SLAMF1: variants seen among roughly 807,000 people sequenced by gnomAD.
SLAMF1 encodes the protein signaling lymphocytic activation molecule.
In SLAMF1, 18 loss-of-function variants were observed where a neutral mutation model predicts 35.1. The observed-to-expected ratio is 0.51, with a 90% CI of 0.35 to 0.76. SLAMF1 has a LOEUF of 0.76. Among genes scored for constraint, SLAMF1 ranks in the 30% least tolerant of loss-of-function variants. The pLI is 0.01. For missense variants in SLAMF1, 392 were observed against 413.0 expected, an observed-to-expected ratio of 0.95 and a Z score of 0.44; for synonymous variants, 168 against 157.2, an observed-to-expected ratio of 1.07 and a Z score of -0.51.
chr1:160,611,122 C>T (rs1658959945), intron 6 of SLAMF1, among the ~76,000 whole-genome samples: 1 of 152,196 alleles, frequency 6.6e-6, no homozygotes, highest in Admixed American at 6.5e-5. Context: ...TTTGCTGTTA[C>T]ATATGGGTCA....
chr1:160,637,310 TA>T lies in SLAMF1; in HGVS notation c.295del (p.Tyr99IlefsTer22). On this transcript the variant is annotated frameshift_variant, in exon 2 of 7. Transcript: ENST00000302035. LOFTEE classifies it high-confidence loss of function. The stretch of plus-strand genomic sequence containing the variant: ...TATCCCCAGGGTGAGATTCTCCAGA[TA>T]AAACTTGTAGCGATCTCCTAGATAA... ...PRYLGDRYKF[Y>X]LENLTLGIRE... 1 of 1,613,996 alleles carries T rather than the reference TA, an allele frequency of 6.2e-7. No homozygotes were observed. Among genetic ancestry groups the T allele is most frequent in the Non-Finnish European group, 8.5e-7 (1 of 1,179,866 alleles).
rs1658872342 is a variant in SLAMF1, at chr1:160,609,593, A to G, written c.*1155T>C. 1 of 152,258 alleles carries G rather than the reference A, an allele frequency of 6.6e-6. No individual in the cohort carries two copies. The highest frequency in any genetic ancestry group is 2.4e-5 in the African/African-American group (1 of 41,472). The allele number at this position is 152,258 out of a possible 1,614,324, so 9.4% of individuals were successfully genotyped here. A position where few individuals can be genotyped will look rare whatever the true frequency, so the allele number is the denominator to read the frequency against. ...AACAATAAGAAAAAGCAGGGCTTAAATTGAGGACAGCCTGTCTAAAAGCAG... is the reference window on the plus strand; with the variant it reads ...AACAATAAGAAAAAGCAGGGCTTAAGTTGAGGACAGCCTGTCTAAAAGCAG... On this transcript the variant is annotated 3_prime_UTR_variant, in exon 7 of 7. Coordinates refer to ENST00000302035, the MANE Select transcript of SLAMF1 (RefSeq NM_003037.5).
intron 3 of SLAMF1, among the ~76,000 whole-genome samples, chr1:160,628,812 C>T (rs1431681955): frequency 6.6e-6 from 1 of 152,222 alleles, no homozygotes; most frequent in Non-Finnish European, 1.5e-5. Flanking sequence ...AGAAGTGACC[C>T]ACTTGGCTTA....
chr1:160,626,532 T>C (rs1236967195), intron 3 of SLAMF1, among the ~76,000 whole-genome samples: 1 of 152,182 alleles, frequency 6.6e-6, no homozygotes, highest in African/African-American at 2.4e-5. Flanking sequence ...ATATGAATCA[T>C]AGACCTTTTT....
chr1:160,621,723 G>A (rs546416865), intron 4 of SLAMF1, among the ~76,000 whole-genome samples: 1 of 152,212 alleles, frequency 6.6e-6, no homozygotes, highest in Admixed American at 6.5e-5. Context: ...GGCAGACACT[G>A]ATGAAGTTCC....
chr1:160,619,305 T>C (rs185698930), intron 5 of SLAMF1, among the ~76,000 whole-genome samples: 2 of 152,292 alleles, frequency 1.3e-5, no homozygotes, highest in Admixed American at 1.3e-4. Flanking sequence ...TTCCATCTCA[T>C]CTTTCATCTC....
At chr1:160,646,384 C>A in intron 1 of SLAMF1, among the ~76,000 whole-genome samples, 1 of 152,232 alleles carries the variant, frequency 6.6e-6, no homozygotes, top group East Asian at 1.9e-4. Flanking sequence ...TCTACTCTCT[C>A]TTCCCACTCT....
intron 4 of SLAMF1, 75 bp from the exon 5 acceptor site, chr1:160,619,924 C>T (rs1473895132): frequency 1.0e-6 from 1 of 975,942 alleles, no homozygotes; most frequent in South Asian, 1.3e-5. Flanking sequence ...CTGGTCTTTA[C>T]TGTCCTTTGC....
intron 5 of SLAMF1, chr1:160,615,865 A>G: frequency 5.4e-6 from 1 of 184,582 alleles, no homozygotes; most frequent in South Asian, 9.3e-5. Context: ...AACAAATGCC[A>G]CGGAGAGCCT....
At chr1:160,633,002 A>G (rs1466090665) in intron 3 of SLAMF1, among the ~76,000 whole-genome samples, 1 of 152,176 alleles carries the variant, frequency 6.6e-6, no homozygotes, top group Non-Finnish European at 1.5e-5. Context: ...GATGCCACAT[A>G]ACTGGCACAT....
intron 6 of SLAMF1, 79 bp downstream of exon 6, chr1:160,612,409 T>TAA: frequency 1.0e-6 from 1 of 956,916 alleles, no homozygotes; most frequent in Non-Finnish European, 1.6e-6. Context: ...TCTTCCCACC[T>TAA]TAAAAAAAAA....
intron 5 of SLAMF1, among the ~76,000 whole-genome samples, chr1:160,614,233 A>G (rs1416658247): frequency 2.0e-5 from 3 of 152,210 alleles, no homozygotes; most frequent in African/African-American, 7.2e-5. Flanking sequence ...TGAGTTTAAG[A>G]AAGAATTTCT....
chr1:160,621,167 T>A (rs1176006519), intron 4 of SLAMF1, among the ~76,000 whole-genome samples: 2 of 152,156 alleles, frequency 1.3e-5, no homozygotes, highest in Admixed American at 1.3e-4. Context: ...GGAGGTTTAT[T>A]ATGGGATTAT....
At chr1:160,630,227 G>A (rs1292260853) in intron 3 of SLAMF1, among the ~76,000 whole-genome samples, 2 of 152,182 alleles carry the variant, frequency 1.3e-5, no homozygotes, top group Non-Finnish European at 2.9e-5. Context: ...CCTAGCCAGA[G>A]TACTTCATAG....
At chr1:160,643,770 G>A (rs1660883813) in intron 1 of SLAMF1, among the ~76,000 whole-genome samples, 3 of 152,108 alleles carry the variant, frequency 2.0e-5, no homozygotes, top group African/African-American at 7.2e-5. Context: ...AAGAACATTT[G>A]AATTATTCTC....
chr1:160,618,750 A>G (rs1051702706), intron 5 of SLAMF1, among the ~76,000 whole-genome samples: 1 of 152,168 alleles, frequency 6.6e-6, no homozygotes, highest in African/African-American at 2.4e-5. Context: ...GCTTCACAGT[A>G]AAAAAGAGGG....
intron 5 of SLAMF1, among the ~76,000 whole-genome samples, chr1:160,619,517 G>A (rs1043096665): frequency 6.6e-6 from 1 of 152,202 alleles, no homozygotes; most frequent in Admixed American, 6.5e-5. Context: ...GCCAGAGCTG[G>A]AAAGAGTCAT....
chr1:160,627,569 C>T (rs1397709149), intron 3 of SLAMF1, among the ~76,000 whole-genome samples: 1 of 152,180 alleles, frequency 6.6e-6, no homozygotes, highest in Non-Finnish European at 1.5e-5. Flanking sequence ...ATACTTGGTG[C>T]TCATCCATTT....
chr1:160,646,551 A>G (rs987312870), intron 1 of SLAMF1, among the ~76,000 whole-genome samples: 2 of 152,168 alleles, frequency 1.3e-5, no homozygotes, highest in African/African-American at 4.8e-5. Flanking sequence ...ATGCCCATGT[A>G]AAACCAACCA....
Sources: gnomAD v4.1 joint callset for allele counts (sites outside exome capture counted in the v4.1 genomes callset) on GRCh38, gnomAD v4.1.1 for gene constraint, MANE v1.5 for transcripts, NCBI Gene and HGNC (gene_info 2026-07-23, HGNC 2026-07-21) for gene names.